The following FOXRED2 variants were observed in gnomAD, a reference collection of about 807,000 sequenced individuals.
FOXRED2 encodes the protein FAD dependent oxidoreductase domain containing 2.
A neutral mutation model predicts 52.5 loss-of-function variants in FOXRED2; 32 were observed. The ratio of observed to expected loss-of-function variants is 0.61; its 90% CI spans 0.46 to 0.82. FOXRED2 has a LOEUF of 0.82. FOXRED2 is among the 40% of genes least tolerant of loss of function. The pLI, the probability that FOXRED2 is intolerant of heterozygous loss-of-function variation, is 0.00. For missense variants in FOXRED2, 848 were observed against 937.5 expected (o/e 0.90, Z 1.25); for synonymous variants, 405 against 398.1 (o/e 1.02, Z -0.21).
intron 4 of FOXRED2, among the ~76,000 whole-genome samples, chr22:36,502,161 T>G (rs1568991515): frequency 6.8e-6 from 1 of 146,344 alleles, no homozygotes; most frequent in East Asian, 2.0e-4. Context: ...AGAGTAAGAC[T>G]CTGTCTCAAA....
intron 4 of FOXRED2, among the ~76,000 whole-genome samples, chr22:36,502,875 G>A (rs1568991837): frequency 6.6e-6 from 1 of 151,936 alleles, no homozygotes; most frequent in Non-Finnish European, 1.5e-5. Context: ...TGTATTTTTG[G>A]TAGAGACGGG....
Position 36,492,031 on chromosome 22 carries a change from C to T in FOXRED2, c.1795+1602G>A, listed in dbSNP as rs114337547. Reference sequence around the variant, plus strand: ...AAAATGGGCACAGCACAAAGGATGTCGTGAGGCTTCCATGGGTGACCAGGC... The same window carrying T: ...AAAATGGGCACAGCACAAAGGATGTTGTGAGGCTTCCATGGGTGACCAGGC... On this transcript the variant is annotated intron_variant, in intron 8 of 8. Transcript: ENST00000397224. Among the ~76,000 whole-genome samples, 497 of 152,206 alleles carry T rather than the reference C, an allele frequency of 3.3e-3. 3 individuals carry two copies. The highest frequency in any genetic ancestry group is 0.011 in the African/African-American group (475 of 41,540).
intron 8 of FOXRED2, among the ~76,000 whole-genome samples, chr22:36,492,605 C>T (rs553191552): frequency 2.6e-4 from 40 of 152,220 alleles, no homozygotes; most frequent in South Asian, 6.2e-4. Context: ...ATCCGCCTTC[C>T]GGGTTCAAGC....
Position 36,489,953 on chromosome 22 carries a change from C to T in FOXRED2, c.*55G>A. 1 of 1,496,466 alleles carries T rather than the reference C, an allele frequency of 6.7e-7. No homozygotes were observed. The allele number at this position is 1,496,466 out of a possible 1,614,324, so 92.7% of individuals were successfully genotyped here. Reference sequence around the variant, plus strand: ...AGGTTGCGGGGAAAGAGGGACTGACCATGGGCCTAGGTGGGGAGGCCTGGC... The same window carrying T: ...AGGTTGCGGGGAAAGAGGGACTGACTATGGGCCTAGGTGGGGAGGCCTGGC... On this transcript the variant is annotated 3_prime_UTR_variant, in exon 9 of 9. Coordinates refer to ENST00000397224, the MANE Select transcript of FOXRED2 (RefSeq NM_001102371.2).
rs146597447 is a variant in FOXRED2 at position 36,495,800 on chromosome 22, C to T, written c.1624+167G>A. 1.9e-3 allele frequency among the ~76,000 whole-genome samples: 297 copies of T among 152,338 alleles called. 1 individual carries two copies. The highest frequency in any genetic ancestry group is 6.8e-3 in the Middle Eastern group (2 of 294). Reference sequence around the variant, plus strand: ...GGTATGTGTCAGAATCTGGAAGCATCGTTCATCATTCTCGGACCTTCTGCC... The same window carrying T: ...GGTATGTGTCAGAATCTGGAAGCATTGTTCATCATTCTCGGACCTTCTGCC... On this transcript the variant is annotated intron_variant, in intron 7 of 8. Coordinates refer to ENST00000397224, the MANE Select transcript of FOXRED2 (RefSeq NM_001102371.2).
At chr22:36,497,517 C>T (rs543725973) in intron 6 of FOXRED2, among the ~76,000 whole-genome samples, 5 of 152,276 alleles carry the variant, frequency 3.3e-5, no homozygotes, top group South Asian at 2.1e-4. Flanking sequence ...TGTCTCCCCC[C>T]GCCCCTCACC....
chr22:36,501,382 C>T lies in FOXRED2; in HGVS notation c.1075G>A (p.Ala359Thr), dbSNP rs1169646772. 3 of 1,614,014 alleles carry T rather than the reference C, an allele frequency of 1.9e-6. No homozygotes were observed. The African/African-American group carries it at 4.0e-5, about 22-fold the overall frequency. The stretch of plus-strand genomic sequence containing the variant: ...ATCAGCGGGTACTTCTTGCCGAATG[C>T]ATTTCCCGAGTTAAGTCTGAGGGAC... ...NKSLRLNSGN[A>T]FGKKYPLIRA... The change falls in exon 5 of 9, where the codon GCA becomes ACA. Residue 359 changes from alanine (A) to threonine (T), a missense_variant. Physicochemically the swap from Ala to Thr is moderately conservative, Grantham distance 58. Transcript: ENST00000397224.
rs148097940 is a variant in FOXRED2, at chr22:36,506,123, G to A, written c.300C>T (p.Asn100=). 1.9e-6 allele frequency: 3 copies of A among 1,614,238 alleles called. No homozygotes were observed. The highest frequency in any genetic ancestry group is 2.5e-6 in the Non-Finnish European group (3 of 1,180,038). Residue 100 remains asparagine (N), a synonymous_variant, in exon 2 of 9, where the codon AAC becomes AAT. Coordinates refer to ENST00000397224, the MANE Select transcript of FOXRED2 (RefSeq NM_001102371.2). ...GCCGGGGGTCGTGGCTGAGCAGAGA[G>A]TTCCAGTCGTGGCGGAGGTTGAACT... ...NAEFNLRHDW[N]SLLSHDPRLL...
At chr22:36,494,917 G>A (rs1984737) in intron 7 of FOXRED2, among the ~76,000 whole-genome samples, 8,019 of 151,616 alleles carry the variant, frequency 0.053, 244 homozygotes, top group Middle Eastern at 0.1. Context: ...GATTACAGGC[G>A]TGAGCGACCG....
rs531657469 is a variant in FOXRED2 at position 36,489,834 on chromosome 22, C to T, written c.*174G>A. Reference sequence around the variant, plus strand: ...AGGAGGGAGGAGACCACCGCATCCCCGACTTTCAGCCCTCACGTGCCATCT... The same window carrying T: ...AGGAGGGAGGAGACCACCGCATCCCTGACTTTCAGCCCTCACGTGCCATCT... On this transcript the variant is annotated 3_prime_UTR_variant, in exon 9 of 9. Transcript: ENST00000397224. 4 of 604,928 alleles carry T rather than the reference C, an allele frequency of 6.6e-6. No individual in the cohort carries two copies. The South Asian group carries it at 8.7e-5, about 13-fold the overall frequency. 37.5% of individuals were successfully genotyped at this position (604,928 alleles called of 1,614,324 possible).
chr22:36,498,414 C>A (rs1380743162), intron 5 of FOXRED2: 5 of 440,440 alleles, frequency 1.1e-5, no homozygotes, highest in Non-Finnish European at 2.0e-5. Context: ...CTCAGTGATG[C>A]TGCTCAATTC....
rs1015227573 is a variant in FOXRED2, at chr22:36,487,575, G to A, written c.*2433C>T. On this transcript the variant is annotated 3_prime_UTR_variant, in exon 9 of 9. Transcript: ENST00000397224. ...AGTTAAAATGAAGAACAAAGAACAGGTGAGCTGAACATACTGATACATTGG... is the reference window on the plus strand; with the variant it reads ...AGTTAAAATGAAGAACAAAGAACAGATGAGCTGAACATACTGATACATTGG... The A allele has an allele frequency of 1.3e-5, 2 of 152,170 alleles. No homozygotes were observed. The highest frequency in any genetic ancestry group is 2.4e-5 in the African/African-American group (1 of 41,432). 9.4% of individuals were successfully genotyped at this position (152,170 alleles called of 1,614,324 possible).
At chr22:36,497,884 T>C in intron 6 of FOXRED2, 107 bp downstream of exon 6, 2 of 1,248,064 alleles carry the variant, frequency 1.6e-6, no homozygotes, top group East Asian at 2.3e-5. Flanking sequence ...GCAGCCTTCA[T>C]CTTAGGAAAG....
chr22:36,497,002 G>A (rs1933917484), intron 6 of FOXRED2, among the ~76,000 whole-genome samples: 1 of 152,178 alleles, frequency 6.6e-6, no homozygotes. Context: ...CCAACATGGT[G>A]AAACCTAGTC....
rs764139560 is a variant in FOXRED2, at chr22:36,504,385, G to A, written c.780-18C>T. 1 of 1,612,902 alleles carries A rather than the reference G, an allele frequency of 6.2e-7. No individual in the cohort carries two copies. On this transcript the variant is annotated intron_variant, in intron 3 of 8. Coordinates refer to ENST00000397224, the MANE Select transcript of FOXRED2 (RefSeq NM_001102371.2). ...TGATGGCTCTGAGCCCACAGAGAAT[G>A]CAGGGGAGAGAGACTCAGAGGAAAG...
At chr22:36,492,796 G>A (rs1230460557) in intron 8 of FOXRED2, among the ~76,000 whole-genome samples, 4 of 152,206 alleles carry the variant, frequency 2.6e-5, no homozygotes, top group Non-Finnish European at 4.4e-5. Context: ...GAGATTACAG[G>A]CGTGAGCCAC....
intron 2 of FOXRED2, among the ~76,000 whole-genome samples, 178 bp downstream of exon 2, chr22:36,505,718 C>A (rs1934171906): frequency 6.6e-6 from 1 of 152,044 alleles, no homozygotes; most frequent in Admixed American, 6.5e-5. Flanking sequence ...TTGCAGTGAG[C>A]TGACCTCGTG....
chr22:36,493,871 A>G, intron 7 of FOXRED2, 68 bp from the exon 8 acceptor site: 1 of 1,422,568 alleles, frequency 7.0e-7, no homozygotes, highest in Non-Finnish European at 9.8e-7. Flanking sequence ...GGGCCGACAC[A>G]GCACGGATCC....
In FOXRED2 at chr22:36,506,334, C is replaced by T. The variant is rs1292620044; in HGVS notation, c.89G>A (p.Arg30His). The T allele has an allele frequency of 1.3e-6, 2 of 1,498,240 alleles. No homozygotes were observed. The highest frequency in any genetic ancestry group is 2.4e-5 in the East Asian group (1 of 40,990). 92.8% of individuals were successfully genotyped at this position (1,498,240 alleles called of 1,614,324 possible). A position where few individuals can be genotyped will look rare whatever the true frequency, so the allele number is the denominator to read the frequency against. Residue 30 changes from arginine to histidine, a missense_variant, in exon 2 of 9, where the codon CGC becomes CAC. By Grantham distance (29) the Arg-to-His change is conservative (BLOSUM62 0). Coordinates refer to ENST00000397224, the MANE Select transcript of FOXRED2 (RefSeq NM_001102371.2). Reference protein sequence around the residue: ...ALHPALSVPPRRDYCVLGAGP... With the variant: ...ALHPALSVPPHRDYCVLGAGP... ...AGCGCCCAGCACGCAGTAGTCCCGGCGCGGGGGCACCGACAGCGCTGGGTG... is the reference window on the plus strand; with the variant it reads ...AGCGCCCAGCACGCAGTAGTCCCGGTGCGGGGGCACCGACAGCGCTGGGTG...
Sources: allele counts gnomAD v4.1 joint callset (sites outside exome capture counted in the v4.1 genomes callset), GRCh38; gene constraint gnomAD v4.1.1; transcripts MANE v1.5; gene names NCBI Gene and HGNC (gene_info 2026-07-23, HGNC 2026-07-21).